Variants in CFAP97 observed in about 807,000 individuals in gnomAD.
CFAP97 encodes the protein cilia and flagella associated protein 97.
A neutral mutation model predicts 43.1 loss-of-function variants in CFAP97; 36 were observed. That is an observed-to-expected ratio of 0.84 (90% CI 0.64 to 1.10). CFAP97 has a LOEUF of 1.10. Ranked by LOEUF, CFAP97 falls within the 50% of genes least tolerant of loss-of-function variation. The pLI is 0.00. For missense variants in CFAP97, 657 were observed against 620.3 expected (o/e 1.06, Z -0.63); for synonymous variants, 228 against 225.7 (o/e 1.01, Z -0.09).
Position 185,190,427 on chromosome 4 carries a change from G to A in CFAP97, c.770C>T (p.Pro257Leu). 1.2e-6 allele frequency: 2 copies of A among 1,613,626 alleles called. No individual in the cohort carries two copies. Among genetic ancestry groups the A allele is most frequent in the Non-Finnish European group, 1.7e-6 (2 of 1,179,708 alleles). Reference sequence around the variant, plus strand: ...AGGGCTAATGTCTGGAGTTGATAAGGGACTTACGTCAGTCACAGTATCTTC... The same window carrying A: ...AGGGCTAATGTCTGGAGTTGATAAGAGACTTACGTCAGTCACAGTATCTTC... The part of the protein sequence containing the change: ...ESEDTVTDVS[P>L]LSTPDISPLQ... The change falls in exon 2 of 5, where the codon CCC becomes CTC. Residue 257 changes from proline (P) to leucine (L), a missense_variant. Pro to Leu is a moderately conservative substitution (Grantham distance 98, BLOSUM62 -3). Transcript: ENST00000458385.
At chr4:185,176,095 G>A (rs753764336) in intron 2 of CFAP97, 44 bp from the exon 3 acceptor site, 5 of 1,419,156 alleles carry the variant, frequency 3.5e-6, no homozygotes, top group Non-Finnish European at 3.8e-6. Context: ...GCCAAAGTAA[G>A]TATGTGGTAC....
chr4:185,203,135 A>ACAACTT (rs1168402922), intron 1 of CFAP97, among the ~76,000 whole-genome samples: 281 of 152,228 alleles, frequency 1.8e-3, no homozygotes, highest in Non-Finnish European at 2.9e-3. Flanking sequence ...AGGAGTTGGG[A>ACAACTT]GGCTGCAGTG....
chr4:185,181,778 G>A (rs1735800934), intron 2 of CFAP97, among the ~76,000 whole-genome samples: 1 of 152,206 alleles, frequency 6.6e-6, no homozygotes, highest in Non-Finnish European at 1.5e-5. Flanking sequence ...ATACTTGGTA[G>A]TGTGTTGAGG....
At chr4:185,185,865 C>G (rs1735988392) in intron 2 of CFAP97, among the ~76,000 whole-genome samples, 1 of 152,046 alleles carries the variant, frequency 6.6e-6, no homozygotes, top group Admixed American at 6.6e-5. Context: ...GTCTCAAACT[C>G]CTGGGCTCAA....
At chr4:185,171,063 A>G (rs1735285888) in intron 3 of CFAP97, among the ~76,000 whole-genome samples, 1 of 151,704 alleles carries the variant, frequency 6.6e-6, no homozygotes, top group African/African-American at 2.4e-5. Flanking sequence ...TTTTAAAACA[A>G]AATTCTAACA....
chr4:185,191,850 A>G (rs992220867), intron 1 of CFAP97, among the ~76,000 whole-genome samples: 3 of 152,164 alleles, frequency 2.0e-5, no homozygotes, highest in Non-Finnish European at 4.4e-5. Context: ...ACAAAAACAA[A>G]AACAAAAACC....
In CFAP97 at chr4:185,160,944, A is replaced by G. The variant is rs71622998; in HGVS notation, c.*1854T>C. The G allele has an allele frequency of 2.0e-5, 3 of 148,030 alleles. No individual in the cohort carries two copies. The allele number at this position is 148,030 out of a possible 1,614,324, so 9.2% of individuals were successfully genotyped here. A position where few individuals can be genotyped will look rare whatever the true frequency, so the allele number is the denominator to read the frequency against. On this transcript the variant is annotated 3_prime_UTR_variant, in exon 5 of 5. Coordinates refer to ENST00000458385, the MANE Select transcript of CFAP97 (RefSeq NM_020827.3). Reference sequence around the variant, plus strand: ...TTATATATATAAAACATATATATATATTTTTTTCTGGAACAACTTAAAAAT... The same window carrying G: ...TTATATATATAAAACATATATATATGTTTTTTTCTGGAACAACTTAAAAAT...
chr4:185,203,224 G>A (rs1402866376), intron 1 of CFAP97, among the ~76,000 whole-genome samples: 1 of 152,296 alleles, frequency 6.6e-6, no homozygotes, highest in East Asian at 1.9e-4. Flanking sequence ...AAAAAAAAGA[G>A]ACAGGTAAGT....
At position 185,190,548 on chromosome 4, in the gene CFAP97, G is replaced by A. The variant is rs770766996; in HGVS notation, c.649C>T (p.Leu217=). 8 of 1,613,868 alleles carry A rather than the reference G, an allele frequency of 5.0e-6. No individual in the cohort carries two copies. The South Asian group carries it at 7.7e-5, about 16-fold the overall frequency. Residue 217 remains leucine, a synonymous_variant, in exon 2 of 5, where the codon CTG becomes TTG. Transcript: ENST00000458385. The part of the protein sequence containing the change: ...SKKHVSGITL[L]SPKHKYKSGI... The stretch of plus-strand genomic sequence containing the variant: ...GATTTATACTTGTGTTTTGGTGACA[G>A]GAGGGTTATACCAGATACATGTTTC...
At chr4:185,207,027 C>T (rs1477408796), upstream of CFAP97, among the ~76,000 whole-genome samples, 3 of 152,086 alleles carry the variant, frequency 2.0e-5, no homozygotes, top group Non-Finnish European at 4.4e-5. Flanking sequence ...CAGAGGAAAC[C>T]ACCTTTTTGT....
At chr4:185,172,850 C>CAAAA (rs1159858914) in intron 3 of CFAP97, among the ~76,000 whole-genome samples, 6 of 52,682 alleles carry the variant, frequency 1.1e-4, no homozygotes, top group East Asian at 5.6e-4. Context: ...CCCATCTCTA[C>CAAAA]AAAAAAAAAA....
At position 185,191,197 on chromosome 4, in the gene CFAP97, G is replaced by C. The variant is rs753681011; in HGVS notation, c.-1C>G. On this transcript the variant is annotated 5_prime_UTR_variant, in exon 2 of 5. It adds an upstream start codon to the 5' untranslated region. Transcript: ENST00000458385. ...CTAATATATCTCCAAACTGATCCAT[G>C]ATGGCAAAAATATATCTGAAAAAAA... 1.3e-6 allele frequency: 2 copies of C among 1,511,050 alleles called. No homozygotes were observed. Among genetic ancestry groups the C allele is most frequent in the South Asian group, 2.6e-5 (2 of 77,642 alleles). The allele number at this position is 1,511,050 out of a possible 1,614,324, so 93.6% of individuals were successfully genotyped here.
In CFAP97 at chr4:185,188,487, C is replaced by G. The variant is rs148569531; in HGVS notation, c.1054+1656G>C. 1.9e-3 allele frequency among the ~76,000 whole-genome samples: 293 copies of G among 152,174 alleles called. 1 individual carries two copies. The highest frequency in any genetic ancestry group is 6.6e-3 in the African/African-American group (274 of 41,516). The stretch of plus-strand genomic sequence containing the variant: ...CCTCCCGAGTACCTGAGAATACAGG[C>G]GTGTGCCACTACGCTCGGCTCATTT... On this transcript the variant is annotated intron_variant, in intron 2 of 4. Coordinates refer to ENST00000458385, the MANE Select transcript of CFAP97 (RefSeq NM_020827.3).
chr4:185,196,771 C>A (rs547819994), intron 1 of CFAP97, among the ~76,000 whole-genome samples: 133 of 152,136 alleles, frequency 8.7e-4, no homozygotes, highest in African/African-American at 1.7e-3. Context: ...TAGATTAAGG[C>A]CTCACTACAA....
chr4:185,191,305 G>A (rs979899323), intron 1 of CFAP97, 93 bp from the exon 2 acceptor site: 6 of 908,336 alleles, frequency 6.6e-6, no homozygotes, highest in Non-Finnish European at 9.3e-6. Flanking sequence ...AAACTGACAA[G>A]TGTGTTTAAT....
intron 2 of CFAP97, among the ~76,000 whole-genome samples, chr4:185,180,163 GTTTA>G (rs1376771744): frequency 6.6e-6 from 1 of 151,942 alleles, no homozygotes; most frequent in East Asian, 1.9e-4. Context: ...GCTGAATGTT[GTTTA>G]TTTTTTTCCC....
At chr4:185,205,359 C>A (rs1560881773), upstream of CFAP97, among the ~76,000 whole-genome samples, 1 of 151,732 alleles carries the variant, frequency 6.6e-6, no homozygotes, top group African/African-American at 2.4e-5. Context: ...AAGGCTGAGA[C>A]AGGAGAATCG....
intron 2 of CFAP97, among the ~76,000 whole-genome samples, chr4:185,176,715 A>G (rs1296825184): frequency 2.0e-5 from 3 of 152,186 alleles, no homozygotes; most frequent in Non-Finnish European, 1.5e-5. Flanking sequence ...CTCAGAGTTG[A>G]GGGCACTAAT....
intron 1 of CFAP97, among the ~76,000 whole-genome samples, chr4:185,198,168 T>C (rs1379576514): frequency 6.6e-6 from 1 of 152,140 alleles, no homozygotes. Flanking sequence ...CTCAGCCGGG[T>C]GTGGTGGCTC....
Sources: gnomAD v4.1 joint callset for allele counts (sites outside exome capture counted in the v4.1 genomes callset) on GRCh38, gnomAD v4.1.1 for gene constraint, MANE v1.5 for transcripts, NCBI Gene and HGNC (gene_info 2026-07-23, HGNC 2026-07-21) for gene names.